KANK1: variants seen among roughly 807,000 people sequenced by gnomAD.
KANK1 encodes KN motif and ankyrin repeat domains 1.
Under a neutral mutation model 106.2 loss-of-function variants are expected in KANK1, and 109 were observed. The ratio of observed to expected loss-of-function variants is 1.03; its 90% CI spans 0.88 to 1.20. The LOEUF is 1.20. KANK1 is among the 50% of genes most tolerant of loss of function. The pLI, the probability that KANK1 is intolerant of heterozygous loss-of-function variation, is 0.00. For synonymous variants in KANK1, 873 were observed against 652.2 expected, an observed-to-expected ratio of 1.34 and a Z score of -5.16; for missense variants, 2,399 against 1,710.7, an observed-to-expected ratio of 1.40 and a Z score of -7.10.
intron 3 of KANK1, among the ~76,000 whole-genome samples, chr9:485,880 AAAAAAAG>A (rs560462140): frequency 1.3e-3 from 203 of 151,006 alleles, no homozygotes; most frequent in South Asian, 3.4e-3. Flanking sequence ...AAAAAAAAAA[AAAAAAAG>A]AAAAGAAAAA....
At chr9:680,610 C>T (rs1259545361) in intron 2 of KANK1, among the ~76,000 whole-genome samples, 1 of 152,124 alleles carries the variant, frequency 6.6e-6, no homozygotes, top group Non-Finnish European at 1.5e-5. Flanking sequence ...ACTGGGGATA[C>T]AGCAGTGAAC....
intron 3 of KANK1, among the ~76,000 whole-genome samples, chr9:482,212 G>A (rs1250439575): frequency 6.6e-6 from 1 of 152,146 alleles, no homozygotes; most frequent in East Asian, 1.9e-4. Flanking sequence ...CAGTCATTGG[G>A]CTACCTCTTG....
At chr9:478,646 C>T (rs573683074) in intron 3 of KANK1, among the ~76,000 whole-genome samples, 1 of 152,278 alleles carries the variant, frequency 6.6e-6, no homozygotes, top group South Asian at 2.1e-4. Flanking sequence ...CCCAATATAC[C>T]AAGAAACCAT....
chr9:687,437 G>A (rs1263805589), intron 2 of KANK1, among the ~76,000 whole-genome samples: 2 of 151,932 alleles, frequency 1.3e-5, no homozygotes, highest in African/African-American at 4.8e-5. Context: ...GACTTATTTT[G>A]TCTGAAATCA....
At chr9:508,009 CG>C (rs1429798320) in intron 1 of KANK1, among the ~76,000 whole-genome samples, 1 of 149,674 alleles carries the variant, frequency 6.7e-6, no homozygotes, top group African/African-American at 2.5e-5. Context: ...TTGTTAGAGA[CG>C]GGGGTTTTAC....
chr9:614,207 A>T (rs930647943), intron 1 of KANK1, among the ~76,000 whole-genome samples: 3 of 152,186 alleles, frequency 2.0e-5, no homozygotes, highest in Non-Finnish European at 2.9e-5. Flanking sequence ...ATAATGGTGT[A>T]TTGATAAGGT....
At chr9:543,042 A>C (rs1033447361) in intron 1 of KANK1, among the ~76,000 whole-genome samples, 2 of 152,220 alleles carry the variant, frequency 1.3e-5, no homozygotes, top group African/African-American at 4.8e-5. Flanking sequence ...TCTCACCACA[A>C]ATAAGTGCGA....
chr9:510,073 A>T (rs12340945), intron 1 of KANK1, among the ~76,000 whole-genome samples: 23,753 of 151,930 alleles, frequency 0.16, 3,327 homozygotes, highest in African/African-American at 0.38. Context: ...TGCCCTCCTA[A>T]AAGTGCTGGG....
At chr9:697,284 C>T (rs556739114) in intron 2 of KANK1, among the ~76,000 whole-genome samples, 3 of 152,134 alleles carry the variant, frequency 2.0e-5, no homozygotes, top group African/African-American at 7.2e-5. Context: ...AAAAGTGATG[C>T]TCTGCTCTTC....
Position 712,204 on chromosome 9 carries a change from A to G in KANK1, c.1438A>G (p.Thr480Ala). 1 of 1,614,124 alleles carries G rather than the reference A, an allele frequency of 6.2e-7. No individual in the cohort carries two copies. Among genetic ancestry groups the G allele is most frequent in the East Asian group, 2.2e-5 (1 of 44,876 alleles). Residue 480 changes from threonine to alanine, a missense_variant, in exon 3 of 12, where the codon ACC becomes GCC. By Grantham distance (58) the Thr-to-Ala change is moderately conservative. Transcript: ENST00000382297. ...YRLEVQLRETTHDREMTKLKQ... is the reference protein window; with the variant it reads ...YRLEVQLRETAHDREMTKLKQ... ...CCTAGAAGTACAGCTTAGAGAAACC[A>G]CCCATGACCGGGAGATGACTAAACT...
intron 8 of KANK1, among the ~76,000 whole-genome samples, chr9:738,758 G>T (rs1313855776): frequency 6.6e-6 from 1 of 152,220 alleles, no homozygotes; most frequent in Non-Finnish European, 1.5e-5. Flanking sequence ...CAGTTCAGCT[G>T]CATTCAAAAG....
At chr9:653,787 G>C (rs536943877) in intron 1 of KANK1, among the ~76,000 whole-genome samples, 1 of 152,286 alleles carries the variant, frequency 6.6e-6, no homozygotes, top group Non-Finnish European at 1.5e-5. Flanking sequence ...AGAAGGAGAG[G>C]ATAGCAACTA....
chr9:717,246 CA>C (rs755221619), intron 3 of KANK1, among the ~76,000 whole-genome samples: 9 of 151,934 alleles, frequency 5.9e-5, no homozygotes, highest in Non-Finnish European at 1.2e-4. Context: ...GATTGTCACC[CA>C]CTCTAGCCTG....
At chr9:721,251 C>T (rs559599523) in intron 3 of KANK1, among the ~76,000 whole-genome samples, 1 of 152,280 alleles carries the variant, frequency 6.6e-6, no homozygotes, top group African/African-American at 2.4e-5. Context: ...CACTTTCTGA[C>T]AAGCTCAGGA....
At chr9:690,335 A>C (rs1819622224) in intron 2 of KANK1, among the ~76,000 whole-genome samples, 1 of 151,104 alleles carries the variant, frequency 6.6e-6, no homozygotes, top group Non-Finnish European at 1.5e-5. Flanking sequence ...AAAAGGCTAC[A>C]AGAGAGAATG....
intron 1 of KANK1, among the ~76,000 whole-genome samples, chr9:561,885 C>T (rs940934028): frequency 2.0e-5 from 3 of 152,152 alleles, no homozygotes; most frequent in Non-Finnish European, 2.9e-5. Context: ...TCAGAAAGCA[C>T]TGTAGAAATT....
intron 3 of KANK1, among the ~76,000 whole-genome samples, chr9:723,439 C>G (rs1306701349): frequency 1.3e-5 from 2 of 152,116 alleles, no homozygotes; most frequent in African/African-American, 2.4e-5. Flanking sequence ...CTACCAAATT[C>G]CATCCGACTT....
At chr9:692,545 T>C (rs1302196052) in intron 2 of KANK1, among the ~76,000 whole-genome samples, 1 of 151,832 alleles carries the variant, frequency 6.6e-6, no homozygotes, top group Non-Finnish European at 1.5e-5. Context: ...TTGAGCTGTT[T>C]TACATACCAT....
At chr9:684,469 T>C in intron 2 of KANK1, 2 of 985,466 alleles carry the variant, frequency 2.0e-6, no homozygotes, top group East Asian at 2.3e-4. Context: ...CTCGAGCTGT[T>C]GCTATTATTC....
Sources: allele counts gnomAD v4.1 joint callset (sites outside exome capture counted in the v4.1 genomes callset), GRCh38; gene constraint gnomAD v4.1.1; transcripts MANE v1.5; gene names NCBI Gene and HGNC (gene_info 2026-07-23, HGNC 2026-07-21).